PTP4A3: variants seen among roughly 807,000 people sequenced by gnomAD.
PTP4A3 encodes protein tyrosine phosphatase type IVA 3.
Under a neutral mutation model 15.2 loss-of-function variants are expected in PTP4A3, and 9 were observed. The observed-to-expected ratio is 0.59, with a 90% CI of 0.36 to 1.03. PTP4A3 has a LOEUF of 1.03. Ranked by LOEUF, PTP4A3 falls within the 50% of genes least tolerant of loss-of-function variation. The pLI, the probability that PTP4A3 is intolerant of heterozygous loss-of-function variation, is 0.02. For synonymous variants in PTP4A3, 95 were observed against 102.0 expected (o/e 0.93, Z 0.41); for missense variants, 234 against 252.1 (o/e 0.93, Z 0.49).
rs558622197 is a variant in PTP4A3 at position 141,408,051 on chromosome 8, G to A, written c.-853-13337G>A. The stretch of plus-strand genomic sequence containing the variant: ...GCGGCCAACAGGTGGAGCGGGCACA[G>A]ACTCAGGCTGCGCCGTGGCTGAGCC... On this transcript the variant is annotated intron_variant, in intron 1 of 5. Transcript: ENST00000521578. Among the ~76,000 whole-genome samples the A allele has an allele frequency of 5.9e-5, 9 of 152,356 alleles. No individual in the cohort carries two copies. The South Asian group carries it at 1.4e-3, about 25-fold the overall frequency.
intron 1 of PTP4A3, among the ~76,000 whole-genome samples, chr8:141,397,370 G>A (rs571057634): frequency 2.0e-5 from 3 of 152,250 alleles, no homozygotes; most frequent in Admixed American, 6.5e-5. Flanking sequence ...TGGAGCCCCC[G>A]GGTGGGCTGA....
In PTP4A3 at chr8:141,431,026, C is replaced by A. The variant is rs1193224984; in HGVS notation, c.504C>A (p.Thr168=). The stretch of plus-strand genomic sequence containing the variant: ...TCAAAGACCCACACACGCACAAGAC[C>A]CGGTGCTGCGTTATGTAGCTCAGGA... ...LRFKDPHTHK[T]RCCVM Residue 168 remains threonine (T), a synonymous_variant, in exon 6 of 6, where the codon ACC becomes ACA. Coordinates refer to ENST00000521578, the MANE Select transcript of PTP4A3 (RefSeq NM_032611.3). 6.2e-7 allele frequency: 1 copy of A among 1,613,234 alleles called. No individual in the cohort carries two copies. The highest frequency in any genetic ancestry group is 1.3e-5 in the African/African-American group (1 of 75,074).
chr8:141,425,624 G>T lies in PTP4A3; in HGVS notation c.198+484G>T, dbSNP rs988277259. Among the ~76,000 whole-genome samples, 8 of 151,582 alleles carry T rather than the reference G, an allele frequency of 5.3e-5. No homozygotes were observed. In the East Asian group the frequency reaches 1.6e-3, roughly 29 times the overall value. ...GGGGCGGTTCTGCTGCGATATCCTTGGGGGGGTGGGCCACAGCAGCTGCAG... is the reference window on the plus strand; with the variant it reads ...GGGGCGGTTCTGCTGCGATATCCTTTGGGGGGTGGGCCACAGCAGCTGCAG... On this transcript the variant is annotated intron_variant, in intron 3 of 5. Transcript: ENST00000521578. This position sits in a 1 kb window ranked among gnomAD's most constrained non-coding sequence, Gnocchi z 4.2.
chr8:141,395,898 T>C (rs1486649668), intron 1 of PTP4A3, among the ~76,000 whole-genome samples: 1 of 152,178 alleles, frequency 6.6e-6, no homozygotes, highest in East Asian at 1.9e-4. Flanking sequence ...GGCTTATGCT[T>C]CTAGAAGGAG....
chr8:141,399,256 C>A (rs528632825), intron 1 of PTP4A3, among the ~76,000 whole-genome samples: 13 of 151,974 alleles, frequency 8.6e-5, no homozygotes, highest in Admixed American at 3.9e-4. Flanking sequence ...GGAACGCTGG[C>A]CCCCTCCTCT....
At chr8:141,414,628 G>GT (rs1563731055) in intron 1 of PTP4A3, among the ~76,000 whole-genome samples, 2 of 151,714 alleles carry the variant, frequency 1.3e-5, no homozygotes, top group African/African-American at 4.9e-5. Context: ...GACTGGGGGG[G>GT]GGGTAGGGAC....
intron 1 of PTP4A3, among the ~76,000 whole-genome samples, chr8:141,405,629 G>A (rs1170969370): frequency 6.6e-6 from 1 of 152,232 alleles, no homozygotes; most frequent in East Asian, 1.9e-4. Context: ...CACCTGCTGT[G>A]TACGGTGCCC....
chr8:141,430,250 G>C (rs1222547280), intron 5 of PTP4A3, among the ~76,000 whole-genome samples: 1 of 143,944 alleles, frequency 6.9e-6, no homozygotes, highest in African/African-American at 2.6e-5. Context: ...AGGACCAGGT[G>C]GTGGGGATGG....
intron 1 of PTP4A3, among the ~76,000 whole-genome samples, chr8:141,414,169 C>T (rs546802031): frequency 6.6e-6 from 1 of 152,326 alleles, no homozygotes; most frequent in East Asian, 1.9e-4. Context: ...ACTGGCTTCT[C>T]AGTCATCCTG....
At chr8:141,414,946 T>C (rs1404047521) in intron 1 of PTP4A3, among the ~76,000 whole-genome samples, 2 of 138,878 alleles carry the variant, frequency 1.4e-5, no homozygotes, top group Non-Finnish European at 3.1e-5. Context: ...CCTCCACTGG[T>C]GGAGTTCCCA....
At chr8:141,412,535 C>G (rs2129955636) in intron 1 of PTP4A3, among the ~76,000 whole-genome samples, 1 of 152,340 alleles carries the variant, frequency 6.6e-6, no homozygotes, top group East Asian at 1.9e-4. Flanking sequence ...GGGCCCTGTC[C>G]CCTGGATGGT....
chr8:141,392,709 C>T (rs975290335), intron 1 of PTP4A3: 2 of 152,274 alleles, frequency 1.3e-5, no homozygotes, highest in Non-Finnish European at 2.9e-5. Flanking sequence ...ACGGGTGACT[C>T]CTGACACGCC....
intron 1 of PTP4A3, among the ~76,000 whole-genome samples, chr8:141,410,730 G>A (rs1832847787): frequency 6.6e-6 from 1 of 152,208 alleles, no homozygotes; most frequent in Admixed American, 6.5e-5. Flanking sequence ...GAGGCACAGC[G>A]AGGTTGAGGG....
At position 141,429,642 on chromosome 8, in the gene PTP4A3, G is replaced by T. The variant is rs60683584; in HGVS notation, c.405-1285G>T. Reference sequence around the variant, plus strand: ...GTCCCCGCTGTAAGGACCAGGTGGCGGGGACAGGGTGAGCACACAGTCCAG... The same window carrying T: ...GTCCCCGCTGTAAGGACCAGGTGGCTGGGACAGGGTGAGCACACAGTCCAG... On this transcript the variant is annotated intron_variant, in intron 5 of 5. Coordinates refer to ENST00000521578, the MANE Select transcript of PTP4A3 (RefSeq NM_032611.3). Among the ~76,000 whole-genome samples, 2 of 115,760 alleles carry T rather than the reference G, an allele frequency of 1.7e-5. 1 individual carries two copies. Among genetic ancestry groups the T allele is most frequent in the African/African-American group, 7.4e-5 (2 of 27,092 alleles). The allele number at this position is 115,760 out of a possible 152,430, so 75.9% of individuals were successfully genotyped here.
chr8:141,419,821 C>T (rs973086226), intron 1 of PTP4A3, among the ~76,000 whole-genome samples: 3 of 152,118 alleles, frequency 2.0e-5, no homozygotes, highest in East Asian at 1.9e-4. Context: ...TCAGGTGATC[C>T]GCCCGCCTTG....
At chr8:141,430,312 C>T (rs1288314032) in intron 5 of PTP4A3, among the ~76,000 whole-genome samples, 4 of 136,180 alleles carry the variant, frequency 2.9e-5, no homozygotes, top group East Asian at 2.2e-4. Flanking sequence ...GACCCGGTGG[C>T]GGGGACAGGG....
At chr8:141,400,488 G>T (rs924379050) in intron 1 of PTP4A3, among the ~76,000 whole-genome samples, 2 of 152,216 alleles carry the variant, frequency 1.3e-5, no homozygotes, top group Non-Finnish European at 2.9e-5. Flanking sequence ...GTTGACTGGG[G>T]TCCTCTCCCG....
chr8:141,399,308 C>T (rs2129813546), intron 1 of PTP4A3, among the ~76,000 whole-genome samples: 1 of 152,380 alleles, frequency 6.6e-6, no homozygotes, highest in African/African-American at 2.4e-5. Flanking sequence ...CAAACATCTT[C>T]TCCTTTAATC....
intron 1 of PTP4A3, among the ~76,000 whole-genome samples, chr8:141,417,411 T>G (rs952974767): frequency 6.6e-6 from 1 of 151,872 alleles, no homozygotes; most frequent in Admixed American, 6.5e-5. Flanking sequence ...GCTGGTGGGC[T>G]GGGCAGGGGG....
Sources: gnomAD v4.1 joint callset for allele counts (sites outside exome capture counted in the v4.1 genomes callset) on GRCh38, gnomAD v4.1.1 for gene constraint, Gnocchi (gnomAD v3.1) non-coding constraint, MANE v1.5 for transcripts, NCBI Gene and HGNC (gene_info 2026-07-23, HGNC 2026-07-21) for gene names.